The following ELFN1 variants were observed in gnomAD, a reference collection of about 807,000 sequenced individuals.
ELFN1 encodes the protein protein ELFN1.
In ELFN1, 6 loss-of-function variants were observed where a neutral mutation model predicts 7.6. The observed-to-expected ratio is 0.79, with a 90% CI of 0.43 to 1.56. The LOEUF is 1.56. Ranked by LOEUF, ELFN1 falls within the 40% of genes most tolerant of loss-of-function variation. ELFN1 has a pLI of 0.01. For missense variants in ELFN1, 1,169 were observed against 1,232.2 expected (o/e 0.95, Z 0.77); for synonymous variants, 657 against 588.1 (o/e 1.12, Z -1.70).
chr7:1,671,059 C>T (rs1340693869), intron 1 of ELFN1, among the ~76,000 whole-genome samples: 2 of 152,166 alleles, frequency 1.3e-5, no homozygotes, highest in Non-Finnish European at 2.9e-5. Flanking sequence ...GCCTCCGTGC[C>T]CCAACCTGCC....
chr7:1,729,782 C>T (rs1468632736), intron 3 of ELFN1, among the ~76,000 whole-genome samples: 3 of 152,228 alleles, frequency 2.0e-5, no homozygotes, highest in Non-Finnish European at 1.5e-5. Flanking sequence ...TTACTTCCTG[C>T]GTCTGTTCCT....
chr7:1,724,991 C>T (rs945380052), intron 3 of ELFN1, among the ~76,000 whole-genome samples: 4 of 152,246 alleles, frequency 2.6e-5, no homozygotes, highest in African/African-American at 4.8e-5. Flanking sequence ...ATGGCCCTGG[C>T]GAGGCCCCTG....
At chr7:1,722,178 C>T (rs1780042782) in intron 3 of ELFN1, among the ~76,000 whole-genome samples, 1 of 151,902 alleles carries the variant, frequency 6.6e-6, no homozygotes, top group Admixed American at 6.6e-5. Context: ...CTAGACTTAC[C>T]AAATCAGGAC....
Position 1,746,519 on chromosome 7 carries a change from G to C in ELFN1, c.1923G>C (p.Ser641=), listed in dbSNP as rs1433024576. 1 of 1,463,788 alleles carries C rather than the reference G, an allele frequency of 6.8e-7. No homozygotes were observed. Among genetic ancestry groups the C allele is most frequent in the South Asian group, 1.4e-5 (1 of 73,540 alleles). 90.7% of individuals were successfully genotyped at this position (1,463,788 alleles called of 1,614,324 possible). ...CCGGGCCCCCTCGTGCCAGCACCTC[G>C]TCCAGCGGCTCCGTGCGCAGCCCCC... ...EAAGPPRAST[S]SSGSVRSPRA... Residue 641 remains serine (S), a synonymous_variant, in exon 4 of 4, where the codon TCG becomes TCC. Coordinates refer to ENST00000424383, the MANE Select transcript of ELFN1 (RefSeq NM_001128636.4).
chr7:1,722,184 A>G (rs1223855889), intron 3 of ELFN1, among the ~76,000 whole-genome samples: 1 of 151,940 alleles, frequency 6.6e-6, no homozygotes, highest in Non-Finnish European at 1.5e-5. Context: ...TTACCAAATC[A>G]GGACCCCAGA....
At chr7:1,689,850 A>T (rs1008735134) in intron 2 of ELFN1, among the ~76,000 whole-genome samples, 6 of 152,176 alleles carry the variant, frequency 3.9e-5, no homozygotes, top group African/African-American at 1.4e-4. Flanking sequence ...GGTTGTCTCC[A>T]TGAGACCTAG....
intron 2 of ELFN1, among the ~76,000 whole-genome samples, chr7:1,696,866 T>A (rs1417471171): frequency 6.6e-6 from 1 of 152,146 alleles, no homozygotes; most frequent in Non-Finnish European, 1.5e-5. Flanking sequence ...GGCACTGCCC[T>A]TAAGGAGCTG....
At chr7:1,690,280 T>G (rs1583320070) in intron 2 of ELFN1, among the ~76,000 whole-genome samples, 1 of 149,048 alleles carries the variant, frequency 6.7e-6, no homozygotes, top group Non-Finnish European at 1.5e-5. Context: ...AGTGGGTAGG[T>G]GGATAGGTGG....
rs1048717300 is a variant in ELFN1 at position 1,695,758 on chromosome 7, A to G, written c.-456+7608A>G. ...GCGAGACTCCGTGTCAAAAAAAAAA[A>G]AAAAAAAAAAAAAACCGTGCTGGTT... On this transcript the variant is annotated intron_variant, in intron 2 of 3. Transcript: ENST00000424383. The surrounding 1 kb of genome is among the most constrained non-coding windows in gnomAD (Gnocchi z 5.1). 6.6e-6 allele frequency among the ~76,000 whole-genome samples: 1 copy of G among 151,314 alleles called. No individual in the cohort carries two copies. The highest frequency in any genetic ancestry group is 2.1e-4 in the South Asian group (1 of 4,796).
chr7:1,686,313 T>TC (rs11439729), intron 1 of ELFN1, among the ~76,000 whole-genome samples: 24,749 of 142,126 alleles, frequency 0.17, 2,817 homozygotes, highest in African/African-American at 0.33. Context: ...TTGTCCTTGT[T>TC]TTTTTTTTTT....
At chr7:1,718,763 C>T (rs1164017928) in intron 3 of ELFN1, among the ~76,000 whole-genome samples, 1 of 152,114 alleles carries the variant, frequency 6.6e-6, no homozygotes. Context: ...CCAGAAGGGC[C>T]CCCTCCCTGG....
At chr7:1,718,085 A>T (rs1779889174) in intron 3 of ELFN1, among the ~76,000 whole-genome samples, 1 of 152,138 alleles carries the variant, frequency 6.6e-6, no homozygotes, top group Non-Finnish European at 1.5e-5. Context: ...CCATGTCTGG[A>T]ACCAAAGTGG....
intron 2 of ELFN1, chr7:1,693,606 C>T (rs1181012170): frequency 2.1e-6 from 1 of 471,244 alleles, no homozygotes; most frequent in South Asian, 1.5e-5. Flanking sequence ...GTGTACACCG[C>T]TGTGTGAACA....
At chr7:1,744,052 C>T (rs1318751287) in intron 3 of ELFN1, among the ~76,000 whole-genome samples, 1 of 152,256 alleles carries the variant, frequency 6.6e-6, no homozygotes, top group South Asian at 2.1e-4. Flanking sequence ...AAACTGAGGC[C>T]GAGAGCCGAG....
chr7:1,730,196 G>T (rs1025849006), intron 3 of ELFN1, among the ~76,000 whole-genome samples: 1 of 152,262 alleles, frequency 6.6e-6, no homozygotes, highest in East Asian at 1.9e-4. Context: ...CATTTCACTT[G>T]AGAAAATGAT....
At chr7:1,716,778 G>C (rs1424484266) in intron 3 of ELFN1, among the ~76,000 whole-genome samples, 1 of 152,230 alleles carries the variant, frequency 6.6e-6, no homozygotes, top group Non-Finnish European at 1.5e-5. Context: ...GTGGGTCAGA[G>C]AGCGTGCAGG....
Position 1,745,510 on chromosome 7 carries a change from C to T in ELFN1, c.914C>T (p.Ala305Val), listed in dbSNP as rs1381588307. 87 of 1,545,306 alleles carry T rather than the reference C, an allele frequency of 5.6e-5. No homozygotes were observed. Among genetic ancestry groups the T allele is most frequent in the Non-Finnish European group, 7.3e-5 (84 of 1,146,822 alleles). Reference protein sequence around the residue: ...FSGDGTTPLVALPTLATQAEA... With the variant: ...FSGDGTTPLVVLPTLATQAEA... ...GGGGACGGCACCACGCCACTGGTGG[C>T]CCTGCCCACGCTGGCCACGCAGGCC... Residue 305 changes from alanine (A) to valine (V), a missense_variant, in exon 4 of 4, where the codon GCC becomes GTC. Ala to Val is a moderately conservative substitution (Grantham distance 64, BLOSUM62 0). Around this residue, in one of 2 missense-constraint regions of ELFN1, gnomAD observed 914 missense variants for 872.6 expected, o/e 1.05. Coordinates refer to ENST00000424383, the MANE Select transcript of ELFN1 (RefSeq NM_001128636.4).
In ELFN1 at chr7:1,746,161, A is replaced by G; in HGVS notation, c.1565A>G (p.Lys522Arg). Reference protein sequence around the residue: ...VESADTPKASKGSYMEVRTGD... With the variant: ...VESADTPKASRGSYMEVRTGD... The stretch of plus-strand genomic sequence containing the variant: ...AGCGCGGACACCCCCAAGGCCAGCA[A>G]GGGCAGCTACATGGAGGTTCGAACC... Residue 522 changes from lysine (K) to arginine (R), a missense_variant, in exon 4 of 4, where the codon AAG (lysine) becomes AGG (arginine). Transcript: ENST00000424383. 1 of 1,549,538 alleles carries G rather than the reference A, an allele frequency of 6.5e-7. No homozygotes were observed. The highest frequency in any genetic ancestry group is 8.7e-7 in the Non-Finnish European group (1 of 1,146,518).
chr7:1,745,607 C>T lies in ELFN1; in HGVS notation c.1011C>T (p.Ser337=). The change falls in exon 4 of 4, where the codon AGC becomes AGT. Residue 337 remains serine, a synonymous_variant. Coordinates refer to ENST00000424383, the MANE Select transcript of ELFN1 (RefSeq NM_001128636.4). ...NSATITVQLP[S]PFHRMYTLEH... is the part of the protein sequence containing the mutation. ...CCACCATCACCGTCCAGCTGCCCAG[C>T]CCGTTCCACCGGATGTACACCCTGG... is the stretch of plus-strand genomic sequence containing the variant. The T allele has an allele frequency of 6.4e-7, 1 of 1,551,068 alleles. No homozygotes were observed. Among genetic ancestry groups the T allele is most frequent in the Non-Finnish European group, 8.7e-7 (1 of 1,146,976 alleles).
Sources: gnomAD v4.1 joint callset for allele counts (sites outside exome capture counted in the v4.1 genomes callset) on GRCh38, gnomAD v4.1.1 for gene constraint, gnomAD v4.1.1 regional missense constraint, Gnocchi (gnomAD v3.1) non-coding constraint, MANE v1.5 for transcripts, NCBI Gene and HGNC (gene_info 2026-07-23, HGNC 2026-07-21) for gene names.